The following BNC2 variants were observed in gnomAD, a reference collection of about 807,000 sequenced individuals.
The protein encoded by BNC2 is basonuclin zinc finger protein 2.
Under a neutral mutation model 76.3 loss-of-function variants are expected in BNC2, and 20 were observed. The ratio of observed to expected loss-of-function variants is 0.26; its 90% confidence interval spans 0.18 to 0.38. BNC2 has a LOEUF of 0.38. Among genes scored for constraint, BNC2 ranks in the 10% least tolerant of loss-of-function variants. The probability of loss-of-function intolerance (pLI) is 1.00; values close to 1 mark genes in which losing one functional copy is unlikely to be tolerated. For synonymous variants in BNC2, 582 were observed against 514.8 expected, an observed-to-expected ratio of 1.13 and a Z score of -1.77; for missense variants, 1,382 against 1,399.8, an observed-to-expected ratio of 0.99 and a Z score of 0.20.
intron 1 of BNC2, among the ~76,000 whole-genome samples, chr9:16,861,636 T>C (rs2136210089): frequency 6.6e-6 from 1 of 152,036 alleles, no homozygotes; most frequent in African/African-American, 2.4e-5. Context: ...TCATAGTCAC[T>C]AGTATGATTC....
Position 16,535,988 on chromosome 9 carries a change from T to C in BNC2, c.669+16542A>G, listed in dbSNP as rs148243989. Among the ~76,000 whole-genome samples the C allele has an allele frequency of 2.9e-3, 442 of 152,172 alleles. 4 individuals are homozygous for C. Among genetic ancestry groups the C allele is most frequent in the African/African-American group, 0.01 (425 of 41,514 alleles). ...CCCCAACCAACAGCCAGTAACAACC[T>C]AATAGCCAGATATGTAAATGGGCCA... is the stretch of plus-strand genomic sequence containing the variant. On this transcript the variant is annotated intron_variant, in intron 5 of 6. Coordinates refer to ENST00000380672, the MANE Select transcript of BNC2 (RefSeq NM_017637.6).
At chr9:16,660,247 C>G (rs932074217) in intron 3 of BNC2, among the ~76,000 whole-genome samples, 1 of 152,072 alleles carries the variant, frequency 6.6e-6, no homozygotes, top group African/African-American at 2.4e-5. Flanking sequence ...CTGAGGTTGG[C>G]AGTTCAAGAC....
chr9:16,462,118 T>C (rs893723496), intron 5 of BNC2, among the ~76,000 whole-genome samples: 2 of 152,182 alleles, frequency 1.3e-5, no homozygotes, highest in Non-Finnish European at 2.9e-5. Flanking sequence ...TGCTTTTTCC[T>C]CAGCCACTCT....
chr9:16,681,658 C>T (rs183156130), intron 3 of BNC2, among the ~76,000 whole-genome samples: 190 of 152,216 alleles, frequency 1.2e-3, no homozygotes, highest in Non-Finnish European at 1.9e-3. Context: ...CCCTCCCTTC[C>T]CCCACTAAAT....
At chr9:16,589,611 T>C (rs1227280552) in intron 3 of BNC2, among the ~76,000 whole-genome samples, 2 of 151,514 alleles carry the variant, frequency 1.3e-5, no homozygotes, top group African/African-American at 4.9e-5. Flanking sequence ...AGGGTTCAAG[T>C]GATTCTCCCA....
intron 4 of BNC2, among the ~76,000 whole-genome samples, chr9:16,573,984 G>A (rs1819410115): frequency 1.3e-5 from 2 of 152,178 alleles, no homozygotes; most frequent in South Asian, 4.1e-4. Context: ...TCAGTAAAGA[G>A]GGGAGAGGAG....
intron 3 of BNC2, among the ~76,000 whole-genome samples, chr9:16,604,017 T>A (rs576373117): frequency 6.6e-6 from 1 of 152,208 alleles, no homozygotes; most frequent in Non-Finnish European, 1.5e-5. Flanking sequence ...TTTACATGAG[T>A]TTGTATACTA....
intron 1 of BNC2, among the ~76,000 whole-genome samples, chr9:16,846,071 C>T (rs950507244): frequency 6.7e-6 from 1 of 150,088 alleles, no homozygotes; most frequent in East Asian, 2.0e-4. Flanking sequence ...ACCCAGGAGA[C>T]GGAGCTTGCA....
At chr9:16,579,095 T>C (rs547625199) in intron 4 of BNC2, among the ~76,000 whole-genome samples, 1 of 152,226 alleles carries the variant, frequency 6.6e-6, no homozygotes, top group African/African-American at 2.4e-5. Flanking sequence ...AGGTAGGAAA[T>C]CCTTTATTAA....
chr9:16,777,503 A>T (rs1826001263), intron 1 of BNC2, among the ~76,000 whole-genome samples: 1 of 152,108 alleles, frequency 6.6e-6, no homozygotes, highest in Non-Finnish European at 1.5e-5. Context: ...GATCGAGACC[A>T]TCCTGGCTTA....
chr9:16,578,144 C>T (rs1490884151), intron 4 of BNC2, among the ~76,000 whole-genome samples: 1 of 151,964 alleles, frequency 6.6e-6, no homozygotes, highest in Non-Finnish European at 1.5e-5. Context: ...AAATGAATTA[C>T]CTCTGTAAAA....
At chr9:16,540,830 A>G (rs1026109940) in intron 5 of BNC2, among the ~76,000 whole-genome samples, 1 of 152,154 alleles carries the variant, frequency 6.6e-6, no homozygotes, top group Non-Finnish European at 1.5e-5. Context: ...CTAGCACCTC[A>G]TTGAAAGATC....
intron 5 of BNC2, among the ~76,000 whole-genome samples, chr9:16,449,028 T>C (rs1365469184): frequency 6.6e-6 from 1 of 152,178 alleles, no homozygotes; most frequent in African/African-American, 2.4e-5. Context: ...GTTTGGTGGC[T>C]GACTGAAGAA....
chr9:16,457,496 C>G (rs1027410521), intron 5 of BNC2, among the ~76,000 whole-genome samples: 7 of 152,274 alleles, frequency 4.6e-5, no homozygotes, highest in Non-Finnish European at 8.8e-5. Context: ...CAAGTGCACG[C>G]TTCCAGTGGT....
chr9:16,663,365 T>C (rs1361790813), intron 3 of BNC2, among the ~76,000 whole-genome samples: 2 of 152,042 alleles, frequency 1.3e-5, no homozygotes, highest in African/African-American at 2.4e-5. Context: ...CCTAACCTCA[T>C]GATCCACTGG....
chr9:16,715,538 C>T (rs1823974698), intron 3 of BNC2, among the ~76,000 whole-genome samples: 1 of 152,134 alleles, frequency 6.6e-6, no homozygotes, highest in African/African-American at 2.4e-5. Flanking sequence ...TTGTTTAGAC[C>T]ACACAGTTTT....
intron 5 of BNC2, among the ~76,000 whole-genome samples, chr9:16,542,429 A>G (rs181668690): frequency 6.6e-6 from 1 of 152,336 alleles, no homozygotes; most frequent in Non-Finnish European, 1.5e-5. Context: ...AAAAGTAGAC[A>G]TAACAGATCA....
intron 1 of BNC2, among the ~76,000 whole-genome samples, chr9:16,804,199 A>G (rs2254468): frequency 0.087 from 13,205 of 152,308 alleles, 634 homozygotes; most frequent in Middle Eastern, 0.13. Context: ...TTGTCAATAA[A>G]GCATCATAAA....
intron 1 of BNC2, among the ~76,000 whole-genome samples, chr9:16,861,037 C>CAAAA (rs11306929): frequency 6.9e-6 from 1 of 144,220 alleles, no homozygotes. Flanking sequence ...GACTCTGTCT[C>CAAAA]AAAAAAAAAA....
Sources: gnomAD v4.1 joint callset for allele counts (sites outside exome capture counted in the v4.1 genomes callset) on GRCh38, gnomAD v4.1.1 for gene constraint, MANE v1.5 for transcripts, NCBI Gene and HGNC (gene_info 2026-07-23, HGNC 2026-07-21) for gene names.